Variants in PSD4 observed in about 807,000 individuals in gnomAD.
PSD4 encodes the protein pleckstrin and Sec7 domain containing 4.
In PSD4, 59 loss-of-function variants were observed where a neutral mutation model predicts 112.5. The ratio of observed to expected loss-of-function variants is 0.52; its 90% CI spans 0.43 to 0.65. PSD4 has a LOEUF of 0.65. PSD4 is among the 30% of genes least tolerant of loss of function. PSD4 has a pLI of 0.00. For missense variants in PSD4, 1,267 were observed against 1,352.6 expected (o/e 0.94, Z 0.99); for synonymous variants, 533 against 540.0 (o/e 0.99, Z 0.18).
intron 14 of PSD4, 134 bp from the exon 15 acceptor site, chr2:113,198,606 T>C (rs935744140): frequency 9.0e-7 from 1 of 1,115,510 alleles, no homozygotes; most frequent in Non-Finnish European, 1.2e-6. Context: ...GCCCGGCTAG[T>C]GGCAGGGCTG....
At chr2:113,196,035 T>A in intron 11 of PSD4, 112 bp from the exon 12 acceptor site, 1 of 1,387,986 alleles carries the variant, frequency 7.2e-7, no homozygotes, top group Non-Finnish European at 9.9e-7. Context: ...TGGGGGGTCC[T>A]GGGGTGTGGC....
intron 5 of PSD4, among the ~76,000 whole-genome samples, chr2:113,191,101 A>C (rs1040611287): frequency 6.6e-6 from 1 of 152,170 alleles, no homozygotes; most frequent in Admixed American, 6.5e-5. Flanking sequence ...TAGTTTCCAG[A>C]TGCATAAGGA....
At chr2:113,196,577 T>C (rs146145518) in intron 12 of PSD4, 5 of 369,004 alleles carry the variant, frequency 1.4e-5, no homozygotes, top group African/African-American at 6.1e-5. Flanking sequence ...TAGACAAGTG[T>C]GTCAATGTCT....
chr2:113,189,922 T>A (rs1339457891), intron 5 of PSD4, among the ~76,000 whole-genome samples: 1 of 152,260 alleles, frequency 6.6e-6, no homozygotes, highest in African/African-American at 2.4e-5. Context: ...TAGTCCTTTG[T>A]CAGATGTATA....
chr2:113,188,358 C>G (rs367732534), intron 5 of PSD4, among the ~76,000 whole-genome samples: 24 of 152,176 alleles, frequency 1.6e-4, no homozygotes, highest in African/African-American at 5.3e-4. Flanking sequence ...ACTTTCCTGC[C>G]TTAGCCTTCC....
chr2:113,177,086 G>A (rs1255860946), intron 1 of PSD4, among the ~76,000 whole-genome samples: 3 of 152,200 alleles, frequency 2.0e-5, no homozygotes, highest in Admixed American at 6.5e-5. Flanking sequence ...CTTTCTGTTC[G>A]GGTTGCTGCC....
At position 113,201,601 on chromosome 2, in the gene PSD4, T is replaced by C. The variant is rs1573382715; in HGVS notation, c.*186T>C. 1.6e-5 allele frequency: 13 copies of C among 827,134 alleles called. No homozygotes were observed. The highest frequency in any genetic ancestry group is 2.4e-5 in the Non-Finnish European group (13 of 542,784). 51.2% of individuals were successfully genotyped at this position (827,134 alleles called of 1,614,324 possible). ...CTCCCTGAAGCTTTCCTAATATTGC[T>C]GTGCTCCCCACCACCCCCATGGCAG... On this transcript the variant is annotated 3_prime_UTR_variant, in exon 17 of 17. Transcript: ENST00000245796.
chr2:113,195,762 G>C lies in PSD4; in HGVS notation c.2217G>C (p.Glu739Asp). The C allele has an allele frequency of 6.2e-7, 1 of 1,614,186 alleles. No homozygotes were observed. Among genetic ancestry groups the C allele is most frequent in the Middle Eastern group, 1.6e-4 (1 of 6,062 alleles). ...LYWSIRSEKL[E>D]WAVDEEDTAR... Reference sequence around the variant, plus strand: ...GGTCTATCCGCAGCGAGAAGCTCGAGTGGGCCGTGTGAGTGAGACTCCCTT... The same window carrying C: ...GGTCTATCCGCAGCGAGAAGCTCGACTGGGCCGTGTGAGTGAGACTCCCTT... Residue 739 changes from glutamate (E) to aspartate (D), a missense_variant, in exon 11 of 17, where the codon GAG becomes GAC. By Grantham distance (45) the Glu-to-Asp change is conservative (BLOSUM62 2). Around this residue, in one of 2 missense-constraint regions of PSD4, gnomAD observed 544 missense variants for 648.6 expected, o/e 0.84. Coordinates refer to ENST00000245796, the MANE Select transcript of PSD4 (RefSeq NM_012455.3).
intron 6 of PSD4, 24 bp from the exon 7 acceptor site, chr2:113,193,024 T>A (rs548872259): frequency 6.2e-7 from 1 of 1,607,876 alleles, no homozygotes; most frequent in Admixed American, 1.7e-5. Context: ...TGGTGCAGAC[T>A]CCATGCCCCT....
At chr2:113,195,534 C>CGGAT (rs61576963) in intron 10 of PSD4, among the ~76,000 whole-genome samples, 193 bp from the exon 11 acceptor site, 22,233 of 150,452 alleles carry the variant, frequency 0.15, 1,656 homozygotes, top group African/African-American at 0.17. Flanking sequence ...CTTTGTTGCA[C>CGGAT]GGATGGATGG....
chr2:113,196,691 G>A, intron 12 of PSD4: 1 of 178,550 alleles, frequency 5.6e-6, no homozygotes, highest in Non-Finnish European at 1.2e-5. Context: ...ACAGGGAGAG[G>A]TAAGGCTTCT....
At chr2:113,180,787 G>A (rs958052676) in intron 1 of PSD4, among the ~76,000 whole-genome samples, 2 of 152,184 alleles carry the variant, frequency 1.3e-5, no homozygotes, top group East Asian at 1.9e-4. Flanking sequence ...GAAGTCACAC[G>A]TGGTTATAAA....
Position 113,197,558 on chromosome 2 carries a change from G to A in PSD4, c.2387-6G>A. On this transcript the variant is annotated splice_region_variant and splice_polypyrimidine_tract_variant and intron_variant, in intron 12 of 16. Transcript: ENST00000245796. ...CTACAACATTTGTGTTCTGTTCCTG[G>A]AACAGCGCCATGGGGCAAGCGTGGC... 1.9e-6 allele frequency: 3 copies of A among 1,614,184 alleles called. No homozygotes were observed. The highest frequency in any genetic ancestry group is 2.5e-6 in the Non-Finnish European group (3 of 1,180,020).
chr2:113,195,940 A>G (rs1167076724), intron 11 of PSD4, among the ~76,000 whole-genome samples, 170 bp downstream of exon 11: 1 of 152,100 alleles, frequency 6.6e-6, no homozygotes, highest in African/African-American at 2.4e-5. Flanking sequence ...AGCCCAAGTA[A>G]TACCGGAGGG....
chr2:113,177,232 C>G (rs981311264), intron 1 of PSD4, among the ~76,000 whole-genome samples: 1 of 152,156 alleles, frequency 6.6e-6, no homozygotes, highest in Non-Finnish European at 1.5e-5. Context: ...GACTGGCCCC[C>G]GTGGGGAAGC....
In PSD4 at chr2:113,183,032, T is replaced by C. The variant is rs748237301; in HGVS notation, c.576T>C (p.Pro192=). The C allele has an allele frequency of 9.0e-5, 145 of 1,613,712 alleles. No homozygotes were observed. The highest frequency in any genetic ancestry group is 1.2e-4 in the Non-Finnish European group (140 of 1,179,852). The change falls in exon 2 of 17, where the codon CCT becomes CCC. Residue 192 remains proline (P), a synonymous_variant. Coordinates refer to ENST00000245796, the MANE Select transcript of PSD4 (RefSeq NM_012455.3). ...AGLKCCLPTP[P]VDLPGDTGLH... ...TGAAATGCTGTCTCCCCACGCCCCC[T>C]GTGGACCTCCCCGGGGACACGGGCC...
At position 113,193,959 on chromosome 2, in the gene PSD4, C is replaced by T. The variant is rs1033586391; in HGVS notation, c.2181+11C>T. On this transcript the variant is annotated intron_variant, in intron 10 of 16. Transcript: ENST00000245796. ...AAGGAGCTGCTGAAGGTATGTGCCACGGGGTCTTCTTATGAGCCTCATGTA... is the reference window on the plus strand; with the variant it reads ...AAGGAGCTGCTGAAGGTATGTGCCATGGGGTCTTCTTATGAGCCTCATGTA... 16 of 1,612,744 alleles carry T rather than the reference C, an allele frequency of 9.9e-6. No individual in the cohort carries two copies. The highest frequency in any genetic ancestry group is 5.0e-5 in the Admixed American group (3 of 59,882).
intron 1 of PSD4, among the ~76,000 whole-genome samples, chr2:113,179,574 C>T (rs1001130004): frequency 6.6e-6 from 1 of 152,210 alleles, no homozygotes; most frequent in African/African-American, 2.4e-5. Flanking sequence ...AGCGCTTGGG[C>T]TGCTGGATTA....
intron 5 of PSD4, among the ~76,000 whole-genome samples, chr2:113,190,673 T>C (rs1688419016): frequency 6.6e-6 from 1 of 152,190 alleles, no homozygotes; most frequent in African/African-American, 2.4e-5. Context: ...AAGGCTGGTC[T>C]CCAACTCTTG....
Sources: allele counts gnomAD v4.1 joint callset (sites outside exome capture counted in the v4.1 genomes callset), GRCh38; gene constraint gnomAD v4.1.1; regional missense constraint gnomAD v4.1.1; transcripts MANE v1.5; gene names NCBI Gene and HGNC (gene_info 2026-07-23, HGNC 2026-07-21).